PBX1: variants seen among roughly 807,000 people sequenced by gnomAD.
The protein encoded by PBX1 is pre-B-cell leukemia transcription factor 1.
A neutral mutation model predicts 53.4 loss-of-function variants in PBX1; 6 were observed. The observed-to-expected ratio is 0.11, with a 90% CI of 0.06 to 0.22. The LOEUF (loss-of-function observed/expected upper bound fraction) is 0.22. Ranked by LOEUF, PBX1 falls within the 10% of genes least tolerant of loss-of-function variation. The pLI, the probability that PBX1 is intolerant of heterozygous loss-of-function variation, is 1.00. For synonymous variants in PBX1, 204 were observed against 212.3 expected (o/e 0.96, Z 0.34); for missense variants, 251 against 551.4 (o/e 0.46, Z 5.46).
At chr1:164,845,277 G>A (rs553685501) in intron 8 of PBX1, among the ~76,000 whole-genome samples, 1 of 148,912 alleles carries the variant, frequency 6.7e-6, no homozygotes, top group Non-Finnish European at 1.5e-5. Context: ...CGTGAACCGG[G>A]ACACCTGCTT....
intron 2 of PBX1, among the ~76,000 whole-genome samples, chr1:164,655,758 A>T (rs911224026): frequency 6.6e-6 from 1 of 152,196 alleles, no homozygotes; most frequent in African/African-American, 2.4e-5. Context: ...AAAACATTGT[A>T]TATAGTTAAT....
At chr1:164,771,520 A>G (rs1477770510) in intron 2 of PBX1, 1 of 152,012 alleles carries the variant, frequency 6.6e-6, no homozygotes, top group Non-Finnish European at 1.5e-5. Flanking sequence ...GCACTTGACA[A>G]TCACTACAGT....
At chr1:164,629,410 T>C (rs1345291361) in intron 2 of PBX1, among the ~76,000 whole-genome samples, 1 of 152,268 alleles carries the variant, frequency 6.6e-6, no homozygotes, top group Non-Finnish European at 1.5e-5. Context: ...TGTGCATTTT[T>C]CAGTCCTCTC....
intron 2 of PBX1, among the ~76,000 whole-genome samples, chr1:164,727,001 C>T (rs1380176001): frequency 6.6e-6 from 1 of 152,188 alleles, no homozygotes; most frequent in Non-Finnish European, 1.5e-5. Flanking sequence ...CCCTCAGCTA[C>T]TATTTTTGAT....
Position 164,611,280 on chromosome 1 carries a change from C to G in PBX1, c.265+47969C>G, listed in dbSNP as rs140905915. ...TGAGACGGAGTCTTACTCTGTCGCCCAGGCTAGAGTGCAGTGGCGCAATCT... is the reference window on the plus strand; with the variant it reads ...TGAGACGGAGTCTTACTCTGTCGCCGAGGCTAGAGTGCAGTGGCGCAATCT... On this transcript the variant is annotated intron_variant, in intron 2 of 8. Coordinates refer to ENST00000420696, the MANE Select transcript of PBX1 (RefSeq NM_002585.4). Among the ~76,000 whole-genome samples, 1,147 of 152,228 alleles carry G rather than the reference C, an allele frequency of 7.5e-3. 15 individuals are homozygous for G. The highest frequency in any genetic ancestry group is 0.026 in the African/African-American group (1,095 of 41,510).
At chr1:164,588,532 A>G (rs1312995936) in intron 2 of PBX1, among the ~76,000 whole-genome samples, 1 of 130,174 alleles carries the variant, frequency 7.7e-6, no homozygotes, top group African/African-American at 2.8e-5. Context: ...GTGTGCTATA[A>G]TTTTATATGC....
At chr1:164,748,925 G>C (rs1666045745) in intron 2 of PBX1, among the ~76,000 whole-genome samples, 1 of 152,118 alleles carries the variant, frequency 6.6e-6, no homozygotes, top group African/African-American at 2.4e-5. Flanking sequence ...CAGAAATGTA[G>C]GAGGAAGCCA....
At chr1:164,689,201 T>A (rs985471584) in intron 2 of PBX1, among the ~76,000 whole-genome samples, 1 of 152,222 alleles carries the variant, frequency 6.6e-6, no homozygotes, top group Non-Finnish European at 1.5e-5. Context: ...CCTCATGAAA[T>A]ATACATCAAA....
chr1:164,712,244 C>G (rs1663837341), intron 2 of PBX1, among the ~76,000 whole-genome samples: 1 of 150,902 alleles, frequency 6.6e-6, no homozygotes, highest in African/African-American at 2.4e-5. Flanking sequence ...CAGGCTGCTG[C>G]TACCCACTCG....
intron 2 of PBX1, among the ~76,000 whole-genome samples, chr1:164,726,874 C>T (rs1664725666): frequency 1.3e-5 from 2 of 152,126 alleles, no homozygotes. Flanking sequence ...GTCAGAATCC[C>T]TTCATGTGGA....
intron 2 of PBX1, among the ~76,000 whole-genome samples, chr1:164,747,037 T>C (rs1011705020): frequency 2.6e-5 from 4 of 152,174 alleles, no homozygotes; most frequent in African/African-American, 7.2e-5. Flanking sequence ...TGAGGAGATA[T>C]TGTTGTTCCT....
intron 2 of PBX1, among the ~76,000 whole-genome samples, chr1:164,720,542 C>G (rs1032851705): frequency 6.6e-6 from 1 of 152,174 alleles, no homozygotes; most frequent in Non-Finnish European, 1.5e-5. Context: ...CCCTAGAACT[C>G]TCTGATGTAT....
At chr1:164,824,512 T>C (rs921426389) in intron 8 of PBX1, among the ~76,000 whole-genome samples, 19 of 152,216 alleles carry the variant, frequency 1.2e-4, no homozygotes, top group Non-Finnish European at 2.5e-4. Context: ...GTGATAACTT[T>C]CTGATTTGAC....
intron 2 of PBX1, chr1:164,625,825 G>GA (rs764380201): frequency 1.0e-4 from 44 of 422,106 alleles, no homozygotes; most frequent in Non-Finnish European, 1.2e-4. Context: ...AAAAAAAAAA[G>GA]AAAAAAAACA....
rs74480996 is a variant in PBX1 at position 164,663,505 on chromosome 1, A to G, written c.265+100194A>G. On this transcript the variant is annotated intron_variant, in intron 2 of 8. Coordinates refer to ENST00000420696, the MANE Select transcript of PBX1 (RefSeq NM_002585.4). Reference sequence around the variant, plus strand: ...CATTACGTGCTTTGGGCTCTGGCCCATAGCTTGCCTGATCTGGGACCTGAA... The same window carrying G: ...CATTACGTGCTTTGGGCTCTGGCCCGTAGCTTGCCTGATCTGGGACCTGAA... 4.2e-3 allele frequency among the ~76,000 whole-genome samples: 645 copies of G among 152,356 alleles called. 2 individuals are homozygous for G. Among genetic ancestry groups the G allele is most frequent in the African/African-American group, 0.015 (627 of 41,588 alleles).
At chr1:164,756,738 A>G (rs2102210365) in intron 2 of PBX1, among the ~76,000 whole-genome samples, 1 of 152,366 alleles carries the variant, frequency 6.6e-6, no homozygotes, top group Non-Finnish European at 1.5e-5. Flanking sequence ...TAATGTTTTT[A>G]GTAGACTCTG....
intron 2 of PBX1, among the ~76,000 whole-genome samples, chr1:164,677,084 T>C (rs1661471768): frequency 4.6e-5 from 1 of 21,772 alleles, no homozygotes; most frequent in African/African-American, 1.2e-4. Flanking sequence ...CTGCTTGACA[T>C]TTTTTTTTTT....
chr1:164,721,751 G>A (rs1269474808), intron 2 of PBX1, among the ~76,000 whole-genome samples: 1 of 152,154 alleles, frequency 6.6e-6, no homozygotes, highest in Admixed American at 6.5e-5. Flanking sequence ...ACTCTGCCCT[G>A]TCCAGGGAAA....
chr1:164,678,398 T>C (rs1428723142), intron 2 of PBX1, among the ~76,000 whole-genome samples: 1 of 152,216 alleles, frequency 6.6e-6, no homozygotes, highest in Non-Finnish European at 1.5e-5. Flanking sequence ...TTTATGATGC[T>C]TTCAGATTAC....
Sources: gnomAD v4.1 joint callset for allele counts (sites outside exome capture counted in the v4.1 genomes callset) on GRCh38, gnomAD v4.1.1 for gene constraint, MANE v1.5 for transcripts, NCBI Gene and HGNC (gene_info 2026-07-23, HGNC 2026-07-21) for gene names.